QPCT: variants seen among roughly 807,000 people sequenced by gnomAD.
QPCT encodes the protein EC.
QPCT carries 44 observed loss-of-function variants against 43.4 expected under a neutral mutation model. The observed-to-expected ratio is 1.01, with a 90% CI of 0.80 to 1.30. QPCT has a LOEUF of 1.30. QPCT is among the 50% of genes most tolerant of loss of function. The pLI, the probability that QPCT is intolerant of heterozygous loss-of-function variation, is 0.00. For missense variants in QPCT, 526 were observed against 436.5 expected, an observed-to-expected ratio of 1.21 and a Z score of -1.83; for synonymous variants, 168 against 168.4, an observed-to-expected ratio of 1.00 and a Z score of 0.02.
intron 2 of QPCT, among the ~76,000 whole-genome samples, chr2:37,357,230 C>A (rs1300902407): frequency 1.3e-5 from 2 of 150,864 alleles, no homozygotes; most frequent in African/African-American, 4.9e-5. Flanking sequence ...GTTGAAGAAG[C>A]CATTTTATGG....
In QPCT at chr2:37,360,080, T is replaced by C; in HGVS notation, c.546+222T>C. ...TGCATTCATTAATTGGCACCTGATT[T>C]ATCAGCCTTGAATGCACATTAAATT... On this transcript the variant is annotated intron_variant, in intron 3 of 6. Coordinates refer to ENST00000338415, the MANE Select transcript of QPCT (RefSeq NM_012413.4). 2.7e-5 allele frequency: 15 copies of C among 554,792 alleles called. 1 individual carries two copies. The South Asian group carries it at 3.2e-4, about 12-fold the overall frequency. 34.4% of individuals were successfully genotyped at this position (554,792 alleles called of 1,614,324 possible).
chr2:37,352,700 G>C (rs1029449608), intron 1 of QPCT, 89 bp from the exon 2 acceptor site: 1 of 1,455,764 alleles, frequency 6.9e-7, no homozygotes, highest in Non-Finnish European at 9.4e-7. Context: ...CCCTTATTTT[G>C]AAGTTTTAAG....
intron 1 of QPCT, 137 bp from the exon 2 acceptor site, chr2:37,352,651 GT>G: frequency 1.8e-6 from 2 of 1,104,588 alleles, no homozygotes; most frequent in African/African-American, 3.2e-5. Context: ...CAATTTTAAA[GT>G]TGAGTAGTTT....
At chr2:37,363,812 A>G (rs1431883677) in intron 3 of QPCT, among the ~76,000 whole-genome samples, 1 of 152,124 alleles carries the variant, frequency 6.6e-6, no homozygotes, top group Non-Finnish European at 1.5e-5. Flanking sequence ...ACAAAACCAG[A>G]ATGCTGCAAT....
Position 37,372,831 on chromosome 2 carries a change from T to C in QPCT, c.*4T>C, listed in dbSNP as rs761527504. The C allele has an allele frequency of 1.2e-6, 2 of 1,600,070 alleles. No individual in the cohort carries two copies. The highest frequency in any genetic ancestry group is 2.2e-5 in the South Asian group (2 of 88,950). On this transcript the variant is annotated 3_prime_UTR_variant, in exon 7 of 7. Coordinates refer to ENST00000338415, the MANE Select transcript of QPCT (RefSeq NM_012413.4). Reference sequence around the variant, plus strand: ...GTTGGAATATCTTCATTTGTAATACTCTGATTTAGTTTAGGATAATTGGTT... The same window carrying C: ...GTTGGAATATCTTCATTTGTAATACCCTGATTTAGTTTAGGATAATTGGTT...
chr2:37,359,943 G>A, intron 3 of QPCT, 85 bp downstream of exon 3: 12 of 1,379,824 alleles, frequency 8.7e-6, no homozygotes, highest in Non-Finnish European at 1.2e-5. Context: ...GGAGGAATGA[G>A]AAGGCCATTT....
chr2:37,364,889 T>C (rs1672931322), intron 3 of QPCT, among the ~76,000 whole-genome samples: 1 of 151,488 alleles, frequency 6.6e-6, no homozygotes, highest in African/African-American at 2.4e-5. Context: ...CATGTATGTG[T>C]GTGTTGTGTT....
At chr2:37,346,323 A>G (rs989253874) in intron 1 of QPCT, among the ~76,000 whole-genome samples, 7 of 152,252 alleles carry the variant, frequency 4.6e-5, no homozygotes, top group Non-Finnish European at 8.8e-5. Context: ...CCCATGAAGA[A>G]GAACGTGGAA....
intron 3 of QPCT, 117 bp downstream of exon 3, chr2:37,359,975 A>C (rs1489197452): frequency 9.2e-7 from 1 of 1,089,332 alleles, no homozygotes; most frequent in Non-Finnish European, 1.3e-6. Context: ...CTTTTGGTAC[A>C]TTTTTATTAT....
intron 2 of QPCT, among the ~76,000 whole-genome samples, chr2:37,355,768 A>G (rs1394855489): frequency 6.6e-6 from 1 of 152,206 alleles, no homozygotes; most frequent in Non-Finnish European, 1.5e-5. Flanking sequence ...AGAAATAAAA[A>G]AATTAAAAAA....
intron 3 of QPCT, among the ~76,000 whole-genome samples, chr2:37,362,691 T>A (rs367885495): frequency 1.3e-5 from 2 of 152,146 alleles, no homozygotes; most frequent in East Asian, 1.9e-4. Context: ...AGATGACATA[T>A]CAGAGTGGAG....
At position 37,344,767 on chromosome 2, in the gene QPCT, C is replaced by T; in HGVS notation, c.36C>T (p.Thr12=). 1 of 1,608,952 alleles carries T rather than the reference C, an allele frequency of 6.2e-7. No homozygotes were observed. Among genetic ancestry groups the T allele is most frequent in the Admixed American group, 1.7e-5 (1 of 59,722 alleles). Residue 12 remains threonine (T), a synonymous_variant, in exon 1 of 7, where the codon ACC becomes ACT. Coordinates refer to ENST00000338415, the MANE Select transcript of QPCT (RefSeq NM_012413.4). ...GAAGACACCGGCGCGTCGTGGGCAC[C>T]CTCCACCTGCTGCTGCTGGTGGCCG... is the stretch of plus-strand genomic sequence containing the variant. The part of the protein sequence containing the change: ...AGGRHRRVVG[T]LHLLLLVAAL...
At chr2:37,353,712 A>C (rs1417361916) in intron 2 of QPCT, among the ~76,000 whole-genome samples, 3 of 152,012 alleles carry the variant, frequency 2.0e-5, no homozygotes, top group Non-Finnish European at 4.4e-5. Context: ...ACCTCTGAAT[A>C]TCTGTTTTTT....
intron 1 of QPCT, 102 bp downstream of exon 1, chr2:37,344,953 G>T: frequency 7.0e-7 from 1 of 1,433,958 alleles, no homozygotes; most frequent in Non-Finnish European, 9.1e-7. Context: ...AGGCGGGGCA[G>T]GGCCACGGTC....
chr2:37,350,860 A>C (rs1672605328), intron 1 of QPCT, among the ~76,000 whole-genome samples: 1 of 152,234 alleles, frequency 6.6e-6, no homozygotes, highest in Non-Finnish European at 1.5e-5. Context: ...TAGTTCACTT[A>C]ATTCTATTTA....
intron 1 of QPCT, among the ~76,000 whole-genome samples, chr2:37,350,090 C>G (rs1672586618): frequency 6.6e-6 from 1 of 152,052 alleles, no homozygotes; most frequent in Admixed American, 6.5e-5. Flanking sequence ...AAGTGGCCTC[C>G]AAGCTGCAAG....
chr2:37,358,160 G>A (rs1243804502), intron 2 of QPCT, among the ~76,000 whole-genome samples: 2 of 147,504 alleles, frequency 1.4e-5, no homozygotes, highest in Non-Finnish European at 3.0e-5. Flanking sequence ...CACCTGTAAT[G>A]CCAGCTCTTT....
rs373503809 is a variant in QPCT, at chr2:37,352,780, A to G, written c.121-9A>G. The stretch of plus-strand genomic sequence containing the variant: ...GATAGCTAGTTAAATGATTTCATTC[A>G]ATCCTCAGAATTACCACCAGCCAGC... On this transcript the variant is annotated splice_polypyrimidine_tract_variant and intron_variant, in intron 1 of 6. Coordinates refer to ENST00000338415, the MANE Select transcript of QPCT (RefSeq NM_012413.4). 1.2e-6 allele frequency: 2 copies of G among 1,612,446 alleles called. No individual in the cohort carries two copies. Among genetic ancestry groups the G allele is most frequent in the Non-Finnish European group, 1.7e-6 (2 of 1,178,560 alleles).
At chr2:37,350,973 TGCTGAGTTGAGAG>T (rs1015814158) in intron 1 of QPCT, among the ~76,000 whole-genome samples, 6 of 152,202 alleles carry the variant, frequency 3.9e-5, no homozygotes, top group Admixed American at 2.6e-4. Context: ...GGTGGTGGGG[TGCTGAGTTGAGAG>T]GCTGAGTTGA....
Sources: allele counts gnomAD v4.1 joint callset (sites outside exome capture counted in the v4.1 genomes callset), GRCh38; gene constraint gnomAD v4.1.1; transcripts MANE v1.5; gene names NCBI Gene and HGNC (gene_info 2026-07-23, HGNC 2026-07-21).